Variants in CADPS2 observed in about 807,000 individuals in gnomAD.
The protein encoded by CADPS2 is calcium-dependent secretion activator 2.
A neutral mutation model predicts 172.5 loss-of-function variants in CADPS2; 93 were observed. That is an observed-to-expected ratio of 0.54 (90% CI 0.46 to 0.64). The LOEUF is 0.64. Among genes scored for constraint, CADPS2 ranks in the 30% least tolerant of loss-of-function variants. The probability of loss-of-function intolerance (pLI) is 0.00; values close to 1 mark genes in which losing one functional copy is unlikely to be tolerated. For missense variants in CADPS2, 1,420 were observed against 1,565.9 expected, an observed-to-expected ratio of 0.91 and a Z score of 1.57; for synonymous variants, 546 against 555.2, an observed-to-expected ratio of 0.98 and a Z score of 0.23.
intron 1 of CADPS2, among the ~76,000 whole-genome samples, chr7:122,745,604 C>G (rs2092689054): frequency 1.4e-5 from 2 of 148,042 alleles, no homozygotes; most frequent in Non-Finnish European, 3.0e-5. Context: ...TGGTTTTAGC[C>G]TAAAACCAAG....
intron 28 of CADPS2, among the ~76,000 whole-genome samples, chr7:122,335,583 G>A (rs1480317738): frequency 6.6e-6 from 1 of 152,184 alleles, no homozygotes; most frequent in South Asian, 2.1e-4. Flanking sequence ...AACTATAGAG[G>A]TCAGTAGAGC....
intron 2 of CADPS2, among the ~76,000 whole-genome samples, chr7:122,704,987 G>C (rs750709488): frequency 3.3e-5 from 5 of 151,992 alleles, no homozygotes; most frequent in African/African-American, 4.8e-5. Flanking sequence ...CTAATCTAAT[G>C]AAACAGCCTG....
chr7:122,602,772 C>T (rs1342922885), intron 6 of CADPS2, among the ~76,000 whole-genome samples: 4 of 152,096 alleles, frequency 2.6e-5, no homozygotes, highest in Non-Finnish European at 5.9e-5. Context: ...TTTTTAGGAA[C>T]TCTTTCAGAT....
At chr7:122,579,044 T>C (rs1465558226) in intron 7 of CADPS2, among the ~76,000 whole-genome samples, 2 of 152,040 alleles carry the variant, frequency 1.3e-5, no homozygotes, top group Non-Finnish European at 2.9e-5. Flanking sequence ...GTTTGAGATA[T>C]CAATATACAA....
chr7:122,797,200 CAG>C (rs1481863511), intron 1 of CADPS2, among the ~76,000 whole-genome samples: 1 of 151,864 alleles, frequency 6.6e-6, no homozygotes, highest in Non-Finnish European at 1.5e-5. Context: ...AGTCAAATAA[CAG>C]ATGATGGTGA....
intron 20 of CADPS2, among the ~76,000 whole-genome samples, chr7:122,400,424 C>T (rs548566395): frequency 4.6e-5 from 7 of 151,142 alleles, no homozygotes; most frequent in Admixed American, 6.6e-5. Flanking sequence ...GCAATAAGAG[C>T]GAAACTCCAT....
At chr7:122,760,584 T>C (rs1403541695) in intron 1 of CADPS2, among the ~76,000 whole-genome samples, 1 of 151,938 alleles carries the variant, frequency 6.6e-6, no homozygotes, top group Non-Finnish European at 1.5e-5. Context: ...CCTTGAAAAC[T>C]GGACTAAGAA....
chr7:122,399,656 GTTTCTTTTTTTTTTTTTTTTTTTTTTT>G (rs2045644094), intron 20 of CADPS2, among the ~76,000 whole-genome samples: 1 of 94,548 alleles, frequency 1.1e-5, no homozygotes, highest in Non-Finnish European at 2.4e-5. Flanking sequence ...TCAAGGGTGG[GTTTCTTTTTTTTTTTTTTTTTTTTTTT>G]TTTTTTTTTT....
chr7:122,401,177 G>C (rs2151589123), intron 20 of CADPS2, among the ~76,000 whole-genome samples: 1 of 152,248 alleles, frequency 6.6e-6, no homozygotes, highest in South Asian at 2.1e-4. Context: ...GAAGGTGAAA[G>C]TCTTCGAGAA....
At chr7:122,600,390 G>T (rs141906082) in intron 6 of CADPS2, among the ~76,000 whole-genome samples, 2 of 152,072 alleles carry the variant, frequency 1.3e-5, no homozygotes, top group Non-Finnish European at 2.9e-5. Context: ...AACAGTCATA[G>T]ATATGCCCAA....
chr7:122,351,586 G>GAGCATGTAAC (rs1033703636), intron 27 of CADPS2, among the ~76,000 whole-genome samples: 71 of 151,960 alleles, frequency 4.7e-4, no homozygotes, highest in African/African-American at 1.6e-3. Flanking sequence ...TTTAGATTTA[G>GAGCATGTAAC]AGCATGTAAC....
At chr7:122,843,344 C>A (rs1811100713) in intron 1 of CADPS2, among the ~76,000 whole-genome samples, 1 of 151,900 alleles carries the variant, frequency 6.6e-6, no homozygotes, top group South Asian at 2.1e-4. Flanking sequence ...CTTATATCTG[C>A]CACAGTGGAA....
At position 122,663,426 on chromosome 7, in the gene CADPS2, C is replaced by T; in HGVS notation, c.597G>A (p.Val199=). ...CATATTTGGCTATCCATGAGCTCAA[C>T]ACTGTCTCTTTGCTCAAGCCATCTA... ...PEIDGLSKET[V]LSSWIAKYDA... Residue 199 remains valine, a synonymous_variant, in exon 3 of 30, where the codon GTG becomes GTA. Transcript: ENST00000449022. 1.9e-6 allele frequency: 3 copies of T among 1,613,980 alleles called. No homozygotes were observed. The highest frequency in any genetic ancestry group is 2.5e-6 in the Non-Finnish European group (3 of 1,179,876).
At chr7:122,747,183 C>CT (rs2092752887) in intron 1 of CADPS2, among the ~76,000 whole-genome samples, 1 of 152,062 alleles carries the variant, frequency 6.6e-6, no homozygotes, top group East Asian at 1.9e-4. Flanking sequence ...GAGAAGTTCT[C>CT]ATTGCAATAG....
At chr7:122,762,324 A>C (rs1347248734) in intron 1 of CADPS2, among the ~76,000 whole-genome samples, 1 of 152,112 alleles carries the variant, frequency 6.6e-6, no homozygotes, top group East Asian at 1.9e-4. Context: ...GCTATTAATA[A>C]AAAGCAAGTC....
intron 1 of CADPS2, among the ~76,000 whole-genome samples, chr7:122,737,684 C>T (rs1233152425): frequency 1.3e-5 from 2 of 152,116 alleles, no homozygotes; most frequent in East Asian, 3.9e-4. Flanking sequence ...GTGATTGCCA[C>T]ACCAGTTTCT....
chr7:122,597,246 T>C (rs1176647862), intron 6 of CADPS2, among the ~76,000 whole-genome samples: 1 of 152,056 alleles, frequency 6.6e-6, no homozygotes, highest in Non-Finnish European at 1.5e-5. Context: ...TTTTCTTTTC[T>C]AAAAATAGAA....
intron 1 of CADPS2, among the ~76,000 whole-genome samples, chr7:122,790,684 T>C (rs1452995443): frequency 1.3e-5 from 2 of 152,292 alleles, no homozygotes; most frequent in African/African-American, 2.4e-5. Flanking sequence ...CTAGTACTCA[T>C]AGCCTCAGTC....
At chr7:122,602,581 G>C (rs544891195) in intron 6 of CADPS2, among the ~76,000 whole-genome samples, 2 of 151,968 alleles carry the variant, frequency 1.3e-5, no homozygotes, top group African/African-American at 4.8e-5. Flanking sequence ...AGAGTTCCTA[G>C]GCAGAGAAAG....
Sources: allele counts gnomAD v4.1 joint callset (sites outside exome capture counted in the v4.1 genomes callset), GRCh38; gene constraint gnomAD v4.1.1; transcripts MANE v1.5; gene names NCBI Gene and HGNC (gene_info 2026-07-23, HGNC 2026-07-21).